The following TMEM35B variants were observed in gnomAD, a reference collection of about 807,000 sequenced individuals.
TMEM35B encodes transmembrane protein 35B.
In TMEM35B, 6 loss-of-function variants were observed where a neutral mutation model predicts 8.7. That is an observed-to-expected ratio of 0.69 (90% CI 0.38 to 1.36). The LOEUF is 1.36. Among genes scored for constraint, TMEM35B ranks in the 40% most tolerant of loss-of-function variants. The pLI, the probability that TMEM35B is intolerant of heterozygous loss-of-function variation, is 0.02. For synonymous variants in TMEM35B, 89 were observed against 87.0 expected (o/e 1.02, Z -0.13); for missense variants, 176 against 181.6 (o/e 0.97, Z 0.18).
exon 2 of TMEM35B, chr1:34,983,860 C>G (rs1307092950): frequency 6.5e-7 from 1 of 1,545,486 alleles, no homozygotes; most frequent in Non-Finnish European, 8.7e-7. Context: ...TCCAGAAAGC[C>G]CACAGCTATT....
At chr1:34,982,172 A>G (rs1640513946) in intron 2 of TMEM35B, 53 bp from the exon 3 acceptor site, 6 of 1,479,074 alleles carry the variant, frequency 4.1e-6, no homozygotes, top group Admixed American at 2.4e-5. Flanking sequence ...CAGGAGATCC[A>G]GGAGCTCAGG....
chr1:34,983,254 T>C (rs1277614760), intron 2 of TMEM35B, among the ~76,000 whole-genome samples: 1 of 152,130 alleles, frequency 6.6e-6, no homozygotes, highest in Non-Finnish European at 1.5e-5. Flanking sequence ...ACTTAACATG[T>C]GATAATGTTC....
chr1:34,983,637 G>A (rs59029078), intron 2 of TMEM35B, 130 bp downstream of exon 2: 46,956 of 544,768 alleles, frequency 0.086, 6,938 homozygotes, highest in African/African-American at 0.42. Flanking sequence ...CATGGAAACT[G>A]TGGTAGAGCA....
chr1:34,981,789 A>G, exon 3 of TMEM35B: 2 of 578,262 alleles, frequency 3.5e-6, no homozygotes, highest in South Asian at 7.3e-5. Context: ...ACAAAAGAGT[A>G]GTAAAGCTAA....
At chr1:34,983,361 G>A (rs543068088) in intron 2 of TMEM35B, among the ~76,000 whole-genome samples, 11 of 152,106 alleles carry the variant, frequency 7.2e-5, no homozygotes, top group Non-Finnish European at 1.0e-4. Flanking sequence ...GGCAGATCAC[G>A]AGTTCAGGAG....
At position 34,982,145 on chromosome 1, in the gene TMEM35B, G is replaced by C. The variant is rs1342873097; in HGVS notation, c.290-26C>G. The C allele has an allele frequency of 2.6e-6, 4 of 1,524,554 alleles. No homozygotes were observed. The African/African-American group carries it at 5.5e-5, about 21-fold the overall frequency. The allele number at this position is 1,524,554 out of a possible 1,614,324, so 94.4% of individuals were successfully genotyped here. A position where few individuals can be genotyped will look rare whatever the true frequency, so the allele number is the denominator to read the frequency against. On this transcript the variant is annotated intron_variant, in intron 2 of 2. Transcript: ENST00000373337. ...CTGGAATGGAAAGTGAGGTCCCTGA[G>C]GCTCCTTGGAAGAACCCAGGAGATC...
exon 3 of TMEM35B, chr1:34,981,829 T>C: frequency 9.2e-7 from 1 of 1,088,582 alleles, no homozygotes; most frequent in East Asian, 2.9e-5. Flanking sequence ...GTAGACAAAA[T>C]GTCTCTTTCA....
intron 2 of TMEM35B, among the ~76,000 whole-genome samples, chr1:34,983,007 G>C (rs1640523047): frequency 1.3e-5 from 2 of 152,110 alleles, no homozygotes; most frequent in South Asian, 4.1e-4. Flanking sequence ...AGTTCCTGTG[G>C]GCAGAGCTAC....
At chr1:34,983,690 G>A in intron 2 of TMEM35B, 77 bp downstream of exon 2, 1 of 1,279,902 alleles carries the variant, frequency 7.8e-7, no homozygotes, top group Non-Finnish European at 1.0e-6. Flanking sequence ...GGTGGCAACA[G>A]TAAGGGGGAA....
At chr1:34,984,193 C>T (rs1173291904) in intron 1 of TMEM35B, among the ~76,000 whole-genome samples, 1 of 152,220 alleles carries the variant, frequency 6.6e-6, no homozygotes, top group Admixed American at 6.5e-5. Context: ...CTAGACCTCT[C>T]AAGAGATTAC....
At chr1:34,985,200 T>C in exon 1 of TMEM35B, 2 of 1,534,934 alleles carry the variant, frequency 1.3e-6, no homozygotes, top group East Asian at 2.6e-5. Flanking sequence ...CCGCTCACCA[T>C]CCGCTCCGAA....
intron 2 of TMEM35B, among the ~76,000 whole-genome samples, chr1:34,982,871 T>C (rs763675138): frequency 6.6e-5 from 10 of 152,130 alleles, no homozygotes; most frequent in Non-Finnish European, 1.0e-4. Flanking sequence ...GATCTGAAAA[T>C]GGGAGAAGCT....
downstream of TMEM35B, chr1:34,981,417 A>C (rs755816981): frequency 1.3e-5 from 2 of 152,178 alleles, no homozygotes; most frequent in Non-Finnish European, 2.9e-5. Context: ...GGCTTACGAG[A>C]GCAAAAAATT....
chr1:34,981,617 CT>C (rs1400626859), exon 3 of TMEM35B: 1 of 154,746 alleles, frequency 6.5e-6, no homozygotes, highest in African/African-American at 2.4e-5. Flanking sequence ...AAATATATAT[CT>C]GTTTAAAGGC....
intron 2 of TMEM35B, among the ~76,000 whole-genome samples, chr1:34,983,182 T>C (rs2148438168): frequency 6.6e-6 from 1 of 152,314 alleles, no homozygotes; most frequent in South Asian, 2.1e-4. Flanking sequence ...GGCGCTGAGC[T>C]TGCAATATAT....
chr1:34,982,020 A>G, exon 3 of TMEM35B: 1 of 1,550,514 alleles, frequency 6.4e-7, no homozygotes, highest in South Asian at 1.2e-5. Flanking sequence ...CTGGGCTAAG[A>G]GCTGGCCGAC....
At chr1:34,984,726 T>C (rs1365044942) in intron 1 of TMEM35B, among the ~76,000 whole-genome samples, 3 of 152,188 alleles carry the variant, frequency 2.0e-5, no homozygotes, top group Non-Finnish European at 4.4e-5. Flanking sequence ...GCTTGTGTCC[T>C]GCTTCCTGAC....
exon 3 of TMEM35B, chr1:34,981,626 G>A (rs1329071503): frequency 6.2e-6 from 1 of 161,582 alleles, no homozygotes; most frequent in Non-Finnish European, 1.3e-5. Flanking sequence ...TCTGTTTAAA[G>A]GCACAGAAAA....
At chr1:34,983,578 C>CAAAAAAA (rs1163962621) in intron 2 of TMEM35B, among the ~76,000 whole-genome samples, 189 bp downstream of exon 2, 498 of 23,200 alleles carry the variant, frequency 0.021, 104 homozygotes, top group African/African-American at 0.056. Context: ...GACTCCATCT[C>CAAAAAAA]AAAAAAAAAA....
Sources: allele counts gnomAD v4.1 joint callset (sites outside exome capture counted in the v4.1 genomes callset), GRCh38; gene constraint gnomAD v4.1.1; transcripts MANE v1.5; gene names NCBI Gene and HGNC (gene_info 2026-07-23, HGNC 2026-07-21).